NRDE2: variants seen among roughly 807,000 people sequenced by gnomAD.
The protein encoded by NRDE2 is nuclear exosome regulator NRDE2.
NRDE2 carries 76 observed loss-of-function variants against 124.2 expected under a neutral mutation model. The observed-to-expected ratio is 0.61, with a 90% CI of 0.51 to 0.74. The LOEUF is 0.74. NRDE2 is among the 30% of genes least tolerant of loss of function. The pLI is 0.00. For synonymous variants in NRDE2, 489 were observed against 528.1 expected, an observed-to-expected ratio of 0.93 and a Z score of 1.01; for missense variants, 1,314 against 1,417.3, an observed-to-expected ratio of 0.93 and a Z score of 1.17.
At chr14:90,290,653 C>T in intron 9 of NRDE2, 46 bp from the exon 10 acceptor site, 1 of 1,553,358 alleles carries the variant, frequency 6.4e-7, no homozygotes, top group Non-Finnish European at 8.7e-7. Context: ...AAAACAAAAC[C>T]CGCACATTTG....
intron 11 of NRDE2, among the ~76,000 whole-genome samples, chr14:90,286,867 T>C (rs1397737824): frequency 6.6e-6 from 1 of 151,352 alleles, no homozygotes; most frequent in Non-Finnish European, 1.5e-5. Context: ...GCCAATATGG[T>C]GAAACCTTGT....
intron 4 of NRDE2, 50 bp downstream of exon 4, chr14:90,312,344 A>G (rs1317809609): frequency 1.9e-6 from 3 of 1,594,298 alleles, no homozygotes; most frequent in Non-Finnish European, 2.6e-6. Context: ...TTCCGAGGAG[A>G]AAAAAGTCAC....
chr14:90,327,019 T>C (rs1885464347), intron 1 of NRDE2, among the ~76,000 whole-genome samples: 2 of 152,222 alleles, frequency 1.3e-5, no homozygotes, highest in Admixed American at 6.5e-5. Flanking sequence ...TACGAATTCA[T>C]GATGTATTTT....
intron 13 of NRDE2, 39 bp from the exon 14 acceptor site, chr14:90,278,500 ACTTC>A (rs1403167693): frequency 1.2e-6 from 2 of 1,610,014 alleles, no homozygotes; most frequent in Admixed American, 3.3e-5. Flanking sequence ...CTCAGCCGCC[ACTTC>A]CTGTCAGCCT....
chr14:90,280,126 G>GT (rs1417361840), intron 12 of NRDE2: 75 of 150,566 alleles, frequency 5.0e-4, no homozygotes, highest in East Asian at 5.9e-4. Flanking sequence ...TGGTTTTTTT[G>GT]GTTTTTTTTT....
At chr14:90,296,863 G>A (rs913368525) in intron 8 of NRDE2, among the ~76,000 whole-genome samples, 1 of 152,210 alleles carries the variant, frequency 6.6e-6, no homozygotes, top group African/African-American at 2.4e-5. Context: ...TCTGGGCTGG[G>A]TGCGGTGGCT....
rs1566676592 is a variant in NRDE2 at position 90,272,236 on chromosome 14, G to A, written c.*6100C>T. ...GAATTCCTTGTTAGAATAAAAATGAGTATGTCACTTTCTGAACACACTCTT... is the reference window on the plus strand; with the variant it reads ...GAATTCCTTGTTAGAATAAAAATGAATATGTCACTTTCTGAACACACTCTT... On this transcript the variant is annotated 3_prime_UTR_variant, in exon 14 of 14. Transcript: ENST00000354366. The surrounding 1 kb of genome is among the most constrained non-coding windows in gnomAD (Gnocchi z 4.5). 3 of 1,598,078 alleles carry A rather than the reference G, an allele frequency of 1.9e-6. No homozygotes were observed. The highest frequency in any genetic ancestry group is 2.7e-5 in the African/African-American group (2 of 73,876).
At position 90,287,809 on chromosome 14, in the gene NRDE2, T is replaced by C. The variant is rs568529549; in HGVS notation, c.3158+408A>G. 5.3e-5 allele frequency among the ~76,000 whole-genome samples: 8 copies of C among 152,154 alleles called. No individual in the cohort carries two copies. The East Asian group carries it at 1.4e-3, about 26-fold the overall frequency. Reference sequence around the variant, plus strand: ...TTCCCATTTGACAGAGAGGGAGCTATGAGAGGGGAAGTGGCCTGCTCGAGT... The same window carrying C: ...TTCCCATTTGACAGAGAGGGAGCTACGAGAGGGGAAGTGGCCTGCTCGAGT... On this transcript the variant is annotated intron_variant, in intron 11 of 13. Transcript: ENST00000354366.
rs887961649 is a variant in NRDE2, at chr14:90,298,498, A to G, written c.1546-118T>C. ...TATGATCCTTGAAATCATGTTTGCC[A>G]TCAGTCTTTGAAGTAGATACATGCT... On this transcript the variant is annotated intron_variant, in intron 7 of 13. Transcript: ENST00000354366. 10 of 1,088,660 alleles carry G rather than the reference A, an allele frequency of 9.2e-6. No homozygotes were observed. In the African/African-American group the frequency reaches 1.4e-4, roughly 15 times the overall value. The allele number at this position is 1,088,660 out of a possible 1,614,324, so 67.4% of individuals were successfully genotyped here.
At chr14:90,293,764 T>C (rs1219762846) in intron 8 of NRDE2, among the ~76,000 whole-genome samples, 1 of 152,168 alleles carries the variant, frequency 6.6e-6, no homozygotes, top group Non-Finnish European at 1.5e-5. Flanking sequence ...TATCCAATAA[T>C]TTATTTCACT....
At chr14:90,313,008 C>T (rs1884900638) in intron 3 of NRDE2, among the ~76,000 whole-genome samples, 1 of 152,172 alleles carries the variant, frequency 6.6e-6, no homozygotes, top group African/African-American at 2.4e-5. Context: ...CCTAACTTCG[C>T]CTAACTTACT....
intron 3 of NRDE2, among the ~76,000 whole-genome samples, chr14:90,313,738 G>A (rs563753082): frequency 1.3e-5 from 2 of 152,290 alleles, no homozygotes; most frequent in East Asian, 1.9e-4. Flanking sequence ...TTCCATCTCT[G>A]CTTTTCAGCT....
chr14:90,289,744 C>G (rs774421465), intron 10 of NRDE2, among the ~76,000 whole-genome samples: 9 of 152,246 alleles, frequency 5.9e-5, no homozygotes, highest in Admixed American at 3.3e-4. Context: ...CACGCCACAA[C>G]GCCCAGCTAA....
chr14:90,288,672 G>A lies in NRDE2; in HGVS notation c.2703C>T (p.Ser901=), dbSNP rs768966794. ...AGCATTTAGCCAGGCTAATTAGGCGGCTACAGGAATCGGTGGGAGCTGGAT... is the reference window on the plus strand; with the variant it reads ...AGCATTTAGCCAGGCTAATTAGGCGACTACAGGAATCGGTGGGAGCTGGAT... ...VSNPAPTDSC[S]RLISLAKCFM... is the part of the protein sequence containing the mutation. The change falls in exon 11 of 14, where the codon AGC becomes AGT. Residue 901 remains serine, a synonymous_variant. Coordinates refer to ENST00000354366, the MANE Select transcript of NRDE2 (RefSeq NM_017970.4). The A allele has an allele frequency of 7.4e-6, 12 of 1,614,206 alleles. No individual in the cohort carries two copies. Among genetic ancestry groups the A allele is most frequent in the Middle Eastern group, 1.6e-4 (1 of 6,062 alleles).
At chr14:90,278,581 C>T in intron 13 of NRDE2, 120 bp from the exon 14 acceptor site, 1 of 1,262,620 alleles carries the variant, frequency 7.9e-7, no homozygotes, top group Non-Finnish European at 1.1e-6. Context: ...TCCACGGCCC[C>T]TGCTCCCCTT....
chr14:90,293,250 T>C (rs886230978), intron 8 of NRDE2, among the ~76,000 whole-genome samples: 1 of 19,162 alleles, frequency 5.2e-5, no homozygotes, highest in African/African-American at 7.5e-5. Context: ...AGGAACTGAA[T>C]TCCTTTTTTT....
chr14:90,286,631 G>C (rs1323212228), intron 11 of NRDE2, 139 bp from the exon 12 acceptor site: 2 of 1,108,570 alleles, frequency 1.8e-6, no homozygotes, highest in Admixed American at 2.8e-5. Context: ...CTCAGGCGTA[G>C]AGCGCTGTGT....
At chr14:90,295,044 T>A (rs975662882) in intron 8 of NRDE2, among the ~76,000 whole-genome samples, 2 of 152,098 alleles carry the variant, frequency 1.3e-5, no homozygotes, top group Non-Finnish European at 2.9e-5. Flanking sequence ...TACACAAAGC[T>A]ACACACGTGA....
chr14:90,318,699 C>T (rs960105322), intron 1 of NRDE2, among the ~76,000 whole-genome samples: 3 of 152,140 alleles, frequency 2.0e-5, no homozygotes, highest in Non-Finnish European at 4.4e-5. Context: ...ACTCGGGAGG[C>T]TGAGGCAGGA....
Sources: allele counts gnomAD v4.1 joint callset (sites outside exome capture counted in the v4.1 genomes callset), GRCh38; gene constraint gnomAD v4.1.1; non-coding constraint Gnocchi (gnomAD v3.1); transcripts MANE v1.5; gene names NCBI Gene and HGNC (gene_info 2026-07-23, HGNC 2026-07-21).